Variants in CAMTA1 observed in about 807,000 individuals in gnomAD.
CAMTA1 encodes calmodulin binding transcription activator 1.
In CAMTA1, 27 loss-of-function variants were observed where a neutral mutation model predicts 170.9. The ratio of observed to expected loss-of-function variants is 0.16; its 90% CI spans 0.12 to 0.22. The LOEUF is 0.22. Ranked by LOEUF, CAMTA1 falls within the 10% of genes least tolerant of loss-of-function variation. The pLI is 1.00. For missense variants in CAMTA1, 1,619 were observed against 2,217.2 expected, an observed-to-expected ratio of 0.73 and a Z score of 5.42; for synonymous variants, 833 against 891.5, an observed-to-expected ratio of 0.93 and a Z score of 1.17.
At chr1:6,982,650 C>T (rs556497965) in intron 3 of CAMTA1, among the ~76,000 whole-genome samples, 6 of 152,166 alleles carry the variant, frequency 3.9e-5, no homozygotes, top group South Asian at 2.1e-4. Flanking sequence ...AGCATGGCCC[C>T]GGGTTCTGGC....
intron 3 of CAMTA1, among the ~76,000 whole-genome samples, chr1:7,049,704 C>T (rs535076050): frequency 5.3e-4 from 80 of 152,322 alleles, no homozygotes; most frequent in Non-Finnish European, 9.0e-4. Context: ...TGGATCCACC[C>T]GCCTTGGCCT....
intron 3 of CAMTA1, among the ~76,000 whole-genome samples, chr1:6,909,274 C>T (rs553221123): frequency 1.3e-5 from 2 of 152,314 alleles, no homozygotes; most frequent in East Asian, 1.9e-4. Flanking sequence ...CTTAATAATA[C>T]CTAGTACCTA....
At chr1:7,495,757 G>C (rs989144443) in intron 6 of CAMTA1, among the ~76,000 whole-genome samples, 2 of 152,260 alleles carry the variant, frequency 1.3e-5, no homozygotes, top group Admixed American at 6.5e-5. Flanking sequence ...TTATCAGGGA[G>C]ATTTCTGCTC....
At position 7,499,463 on chromosome 1, in the gene CAMTA1, T is replaced by C. The variant is rs1420642721; in HGVS notation, c.510+31562T>C. On this transcript the variant is annotated intron_variant, in intron 6 of 22. Coordinates refer to ENST00000303635, the MANE Select transcript of CAMTA1 (RefSeq NM_015215.4). Reference sequence around the variant, plus strand: ...GCATATGTATATGAGTGTGTGTGTGTGCATGTGTGTACATGAGTGTGTAGA... The same window carrying C: ...GCATATGTATATGAGTGTGTGTGTGCGCATGTGTGTACATGAGTGTGTAGA... Among the ~76,000 whole-genome samples, 2 of 137,004 alleles carry C rather than the reference T, an allele frequency of 1.5e-5. 1 individual carries two copies. Among genetic ancestry groups the C allele is most frequent in the Non-Finnish European group, 3.1e-5 (2 of 64,380 alleles). 89.9% of individuals were successfully genotyped at this position (137,004 alleles called of 152,430 possible). A position where few individuals can be genotyped will look rare whatever the true frequency, so the allele number is the denominator to read the frequency against.
At chr1:6,932,004 C>T (rs895834772) in intron 3 of CAMTA1, among the ~76,000 whole-genome samples, 1 of 152,200 alleles carries the variant, frequency 6.6e-6, no homozygotes, top group Non-Finnish European at 1.5e-5. Flanking sequence ...GAACACCATT[C>T]ACATTGTATT....
intron 4 of CAMTA1, among the ~76,000 whole-genome samples, chr1:7,133,272 G>A (rs914203439): frequency 1.3e-5 from 2 of 152,130 alleles, no homozygotes; most frequent in Non-Finnish European, 2.9e-5. Context: ...ATAGGTAAAG[G>A]TCTATTTAGG....
At chr1:6,980,624 T>A (rs1694276993) in intron 3 of CAMTA1, among the ~76,000 whole-genome samples, 1 of 152,136 alleles carries the variant, frequency 6.6e-6, no homozygotes, top group Non-Finnish European at 1.5e-5. Flanking sequence ...GGTAATCAAG[T>A]CATGGCAGGG....
At chr1:7,257,077 G>GC (rs1163619771) in intron 5 of CAMTA1, among the ~76,000 whole-genome samples, 1 of 38,232 alleles carries the variant, frequency 2.6e-5, no homozygotes, top group Non-Finnish European at 7.6e-5. Flanking sequence ...ATCGCATGGC[G>GC]GGGGCGGGGG....
chr1:7,490,476 A>G (rs2093686046), intron 6 of CAMTA1, among the ~76,000 whole-genome samples: 1 of 152,104 alleles, frequency 6.6e-6, no homozygotes, highest in Non-Finnish European at 1.5e-5. Flanking sequence ...ACATGGCAAA[A>G]CCCCGTCTCT....
At chr1:6,899,694 A>G (rs1357328128) in intron 3 of CAMTA1, among the ~76,000 whole-genome samples, 2 of 152,214 alleles carry the variant, frequency 1.3e-5, no homozygotes, top group Non-Finnish European at 2.9e-5. Flanking sequence ...GGAGGCAGGA[A>G]TTAACTTCAA....
chr1:7,632,255 C>T (rs2095675066), intron 6 of CAMTA1, among the ~76,000 whole-genome samples: 1 of 152,244 alleles, frequency 6.6e-6, no homozygotes, highest in South Asian at 2.1e-4. Flanking sequence ...GGCAATGCTG[C>T]TTCCTCGCCC....
chr1:7,351,705 G>A (rs138571277), intron 5 of CAMTA1, among the ~76,000 whole-genome samples: 166 of 152,278 alleles, frequency 1.1e-3, no homozygotes, highest in African/African-American at 3.6e-3. Context: ...GGCCGGGGTC[G>A]GATCAGTCAG....
intron 11 of CAMTA1, among the ~76,000 whole-genome samples, chr1:7,703,257 T>C (rs570264674): frequency 6.7e-6 from 1 of 149,612 alleles, no homozygotes; most frequent in East Asian, 2.0e-4. Flanking sequence ...AGGAGTTGCA[T>C]AGCAAAGGTG....
At chr1:7,079,573 G>A (rs1334615861) in intron 3 of CAMTA1, among the ~76,000 whole-genome samples, 1 of 151,710 alleles carries the variant, frequency 6.6e-6, no homozygotes, top group Non-Finnish European at 1.5e-5. Context: ...CCAGGTTCAA[G>A]CGATTCTTGT....
At chr1:7,739,625 G>A (rs2096796412) in intron 16 of CAMTA1, among the ~76,000 whole-genome samples, 2 of 152,168 alleles carry the variant, frequency 1.3e-5, no homozygotes, top group African/African-American at 2.4e-5. Flanking sequence ...CTTATATGGT[G>A]GCAGGCAAGA....
At chr1:7,339,086 AC>A (rs2083602573) in intron 5 of CAMTA1, among the ~76,000 whole-genome samples, 1 of 152,156 alleles carries the variant, frequency 6.6e-6, no homozygotes, top group Non-Finnish European at 1.5e-5. Flanking sequence ...GCCCCCTCCC[AC>A]CAGGCCCCTC....
At chr1:7,667,834 G>C (rs1468803435) in intron 9 of CAMTA1, among the ~76,000 whole-genome samples, 1 of 152,202 alleles carries the variant, frequency 6.6e-6, no homozygotes, top group Non-Finnish European at 1.5e-5. Context: ...ACAACCAAAA[G>C]CTGCTGAAAT....
chr1:6,798,431 T>C (rs1450308596), intron 1 of CAMTA1, among the ~76,000 whole-genome samples: 1 of 152,066 alleles, frequency 6.6e-6, no homozygotes, highest in African/African-American at 2.4e-5. Flanking sequence ...AGCATCAGAA[T>C]TATTTATTTA....
chr1:7,419,851 C>A (rs946298061), intron 5 of CAMTA1, among the ~76,000 whole-genome samples: 3 of 152,158 alleles, frequency 2.0e-5, no homozygotes, highest in Admixed American at 6.5e-5. Flanking sequence ...CTCCACCCCC[C>A]ACCCATCAGG....
Sources: gnomAD v4.1 joint callset for allele counts (sites outside exome capture counted in the v4.1 genomes callset) on GRCh38, gnomAD v4.1.1 for gene constraint, MANE v1.5 for transcripts, NCBI Gene and HGNC (gene_info 2026-07-23, HGNC 2026-07-21) for gene names.